The following SUCLG2 variants were observed in gnomAD, a reference collection of about 807,000 sequenced individuals.
SUCLG2 encodes succinate--CoA ligase [GDP-forming] subunit beta, mitochondrial.
Under a neutral mutation model 47.9 loss-of-function variants are expected in SUCLG2, and 42 were observed. The observed-to-expected ratio is 0.88, with a 90% CI of 0.69 to 1.14. The LOEUF (loss-of-function observed/expected upper bound fraction) is 1.14, where lower values mean the gene tolerates loss of function less well. Ranked by LOEUF, SUCLG2 falls within the 50% of genes most tolerant of loss-of-function variation. The probability of loss-of-function intolerance (pLI) is 0.00; values close to 1 mark genes in which losing one functional copy is unlikely to be tolerated. For synonymous variants in SUCLG2, 195 were observed against 197.3 expected (o/e 0.99, Z 0.10); for missense variants, 571 against 525.9 (o/e 1.09, Z -0.84).
chr3:67,601,449 C>G (rs1708415485), intron 2 of SUCLG2, among the ~76,000 whole-genome samples: 1 of 152,118 alleles, frequency 6.6e-6, no homozygotes, highest in South Asian at 2.1e-4. Context: ...GCAATCCACC[C>G]AGACAGAGCG....
chr3:67,409,746 A>G (rs1179602831), intron 9 of SUCLG2, among the ~76,000 whole-genome samples: 3 of 152,178 alleles, frequency 2.0e-5, no homozygotes, highest in Admixed American at 6.6e-5. Context: ...GAATATATTA[A>G]TTATGTATGA....
chr3:67,383,872 A>G (rs1407179077), intron 10 of SUCLG2, among the ~76,000 whole-genome samples: 1 of 152,204 alleles, frequency 6.6e-6, no homozygotes, highest in Non-Finnish European at 1.5e-5. Flanking sequence ...ACCTGCCATC[A>G]TCTGCTAGGG....
chr3:67,579,808 A>C (rs1707835983), intron 2 of SUCLG2, among the ~76,000 whole-genome samples: 1 of 151,674 alleles, frequency 6.6e-6, no homozygotes, highest in African/African-American at 2.4e-5. Flanking sequence ...TTTGAAATAA[A>C]GTTAGTATGT....
intron 10 of SUCLG2, among the ~76,000 whole-genome samples, chr3:67,394,672 T>G (rs966674922): frequency 6.6e-6 from 1 of 151,252 alleles, no homozygotes; most frequent in African/African-American, 2.4e-5. Context: ...ATACAGAGAA[T>G]GCCTCAAAGA....
intron 9 of SUCLG2, among the ~76,000 whole-genome samples, chr3:67,464,157 A>C (rs1559536115): frequency 6.6e-6 from 1 of 152,190 alleles, no homozygotes; most frequent in African/African-American, 2.4e-5. Flanking sequence ...CGGTTTTCTA[A>C]TTATTCTGTC....
chr3:67,630,126 A>G (rs1159028040), intron 1 of SUCLG2, among the ~76,000 whole-genome samples: 1 of 152,108 alleles, frequency 6.6e-6, no homozygotes, highest in Non-Finnish European at 1.5e-5. Context: ...TGTACACTCT[A>G]TTTACGATAA....
chr3:67,634,218 A>T (rs1700972183), intron 1 of SUCLG2, among the ~76,000 whole-genome samples: 1 of 152,170 alleles, frequency 6.6e-6, no homozygotes, highest in Non-Finnish European at 1.5e-5. Context: ...CACAACAGGC[A>T]GGGAATTCTC....
chr3:67,430,641 C>CA (rs1483541317), intron 9 of SUCLG2, among the ~76,000 whole-genome samples: 7 of 151,888 alleles, frequency 4.6e-5, no homozygotes, highest in African/African-American at 7.3e-5. Flanking sequence ...AAAAACCCTT[C>CA]AAAAAATCAA....
At position 67,496,558 on chromosome 3, in the gene SUCLG2, G is replaced by A. The variant is rs574623819; in HGVS notation, c.920-618C>T. 1.4e-3 allele frequency among the ~76,000 whole-genome samples: 219 copies of A among 152,210 alleles called. 3 individuals carry two copies. The highest frequency in any genetic ancestry group is 3.4e-3 in the Middle Eastern group (1 of 294). On this transcript the variant is annotated intron_variant, in intron 8 of 10. Coordinates refer to ENST00000307227, the MANE Select transcript of SUCLG2 (RefSeq NM_003848.4). ...CTTAGAAACAAATGAACAAATGACT[G>A]CACAAAAACAATATTCTTATCCCCT...
At chr3:67,458,672 A>G (rs765482860) in intron 9 of SUCLG2, among the ~76,000 whole-genome samples, 22 of 152,284 alleles carry the variant, frequency 1.4e-4, no homozygotes, top group African/African-American at 4.8e-4. Flanking sequence ...TCGGAGGGGA[A>G]AAAAGCACCT....
At chr3:67,483,693 G>C (rs1362112959) in intron 9 of SUCLG2, among the ~76,000 whole-genome samples, 1 of 152,168 alleles carries the variant, frequency 6.6e-6, no homozygotes, top group African/African-American at 2.4e-5. Flanking sequence ...TTCTTGTTTG[G>C]CTGATGTTTC....
In SUCLG2 at chr3:67,504,314, G is replaced by T. The variant is rs116241229; in HGVS notation, c.757+4493C>A. On this transcript the variant is annotated intron_variant, in intron 7 of 10. Coordinates refer to ENST00000307227, the MANE Select transcript of SUCLG2 (RefSeq NM_003848.4). ...TTGAAAATAGAGTCTTGTGTATAAAGACAGAAACAGAGAAACACCCACCAA... is the reference window on the plus strand; with the variant it reads ...TTGAAAATAGAGTCTTGTGTATAAATACAGAAACAGAGAAACACCCACCAA... Among the ~76,000 whole-genome samples, 1,135 of 152,250 alleles carry T rather than the reference G, an allele frequency of 7.5e-3. 5 individuals are homozygous for T. Among genetic ancestry groups the T allele is most frequent in the African/African-American group, 0.021 (893 of 41,554 alleles).
chr3:67,514,118 T>C (rs1575746951), intron 6 of SUCLG2: 1 of 311,888 alleles, frequency 3.2e-6, no homozygotes, highest in Non-Finnish European at 6.5e-6. Flanking sequence ...TGACGGCTCA[T>C]TGAAGATCCT....
chr3:67,494,411 G>A (rs779232848), intron 9 of SUCLG2, among the ~76,000 whole-genome samples: 12 of 152,068 alleles, frequency 7.9e-5, no homozygotes, highest in Middle Eastern at 3.2e-3. Context: ...GAGGTAGGAG[G>A]ATCACTTGAG....
At chr3:67,586,761 A>T (rs966667008) in intron 2 of SUCLG2, among the ~76,000 whole-genome samples, 1 of 152,180 alleles carries the variant, frequency 6.6e-6, no homozygotes, top group Non-Finnish European at 1.5e-5. Context: ...TCCAATTCCA[A>T]ATGTGACATT....
intron 2 of SUCLG2, among the ~76,000 whole-genome samples, chr3:67,592,510 C>T (rs1414286623): frequency 6.6e-6 from 1 of 151,962 alleles, no homozygotes; most frequent in Non-Finnish European, 1.5e-5. Context: ...AAACAGAGAC[C>T]AAATATGCCG....
chr3:67,408,012 T>C (rs2106830049), intron 9 of SUCLG2, among the ~76,000 whole-genome samples: 1 of 152,044 alleles, frequency 6.6e-6, no homozygotes, highest in East Asian at 1.9e-4. Context: ...TAGAGGGGAG[T>C]CTAAATAGAT....
intron 3 of SUCLG2, among the ~76,000 whole-genome samples, chr3:67,528,799 G>C (rs1370805410): frequency 6.6e-6 from 1 of 152,148 alleles, no homozygotes; most frequent in South Asian, 2.1e-4. Context: ...TATGGAAGTA[G>C]CATTTCAGTT....
chr3:67,468,922 C>T (rs531795695), intron 9 of SUCLG2, among the ~76,000 whole-genome samples: 6 of 152,260 alleles, frequency 3.9e-5, no homozygotes, highest in South Asian at 2.1e-4. Context: ...GAAATCCTAA[C>T]GAGGAACATG....
Sources: allele counts gnomAD v4.1 joint callset (sites outside exome capture counted in the v4.1 genomes callset), GRCh38; gene constraint gnomAD v4.1.1; transcripts MANE v1.5; gene names NCBI Gene and HGNC (gene_info 2026-07-23, HGNC 2026-07-21).